The following OLFM3 variants were observed in gnomAD, a reference collection of about 807,000 sequenced individuals.
The protein encoded by OLFM3 is olfactomedin 3.
A neutral mutation model predicts 48.6 loss-of-function variants in OLFM3; 20 were observed. That is an observed-to-expected ratio of 0.41 (90% CI 0.29 to 0.60). OLFM3 has a LOEUF of 0.60. Ranked by LOEUF, OLFM3 falls within the 20% of genes least tolerant of loss-of-function variation. OLFM3 has a pLI of 0.28. For synonymous variants in OLFM3, 222 were observed against 198.1 expected (o/e 1.12, Z -1.01); for missense variants, 437 against 544.3 (o/e 0.80, Z 1.96).
chr1:101,861,536 T>A (rs1656657377), intron 1 of OLFM3, among the ~76,000 whole-genome samples: 1 of 152,224 alleles, frequency 6.6e-6, no homozygotes, highest in African/African-American at 2.4e-5. Context: ...CCTGAATAGT[T>A]GCTGATTGGC....
At chr1:101,972,126 TC>T (rs775544052) in intron 1 of OLFM3, among the ~76,000 whole-genome samples, 112 of 152,298 alleles carry the variant, frequency 7.4e-4, no homozygotes, top group Admixed American at 4.5e-3. Flanking sequence ...TTCTTTCAAG[TC>T]TTTGATGTTT....
At chr1:101,992,932 T>C (rs939481139) in intron 1 of OLFM3, among the ~76,000 whole-genome samples, 1 of 152,162 alleles carries the variant, frequency 6.6e-6, no homozygotes, top group Non-Finnish European at 1.5e-5. Context: ...TGAATCATTG[T>C]TATATTTTAT....
intron 1 of OLFM3, among the ~76,000 whole-genome samples, chr1:101,867,666 A>G (rs1405972049): frequency 6.6e-6 from 1 of 152,226 alleles, no homozygotes; most frequent in Non-Finnish European, 1.5e-5. Flanking sequence ...TTCTGCCTCT[A>G]CTACCCAACA....
At chr1:101,837,478 T>C (rs4908193) in intron 1 of OLFM3, among the ~76,000 whole-genome samples, 133,517 of 152,126 alleles carry the variant, frequency 0.88, 60,399 homozygotes, top group Non-Finnish European at 0.98. Flanking sequence ...TTCAAGGAGG[T>C]TTCCCATATA....
chr1:101,844,023 ACAGCAATAC>A (rs1166275528), intron 1 of OLFM3, among the ~76,000 whole-genome samples: 2 of 152,176 alleles, frequency 1.3e-5, no homozygotes, highest in Non-Finnish European at 2.9e-5. Flanking sequence ...TTACTACTTT[ACAGCAATAC>A]CTAGTGAGCC....
chr1:101,902,200 G>A (rs1658410359), intron 1 of OLFM3, among the ~76,000 whole-genome samples: 1 of 151,916 alleles, frequency 6.6e-6, no homozygotes, highest in Non-Finnish European at 1.5e-5. Flanking sequence ...AAGAAGGAGG[G>A]CATGGTTGGT....
intron 1 of OLFM3, among the ~76,000 whole-genome samples, chr1:101,864,195 C>A (rs1158802169): frequency 6.6e-6 from 1 of 151,938 alleles, no homozygotes; most frequent in African/African-American, 2.4e-5. Flanking sequence ...TGGTTCATAT[C>A]CTTTTTTTTT....
intron 1 of OLFM3, among the ~76,000 whole-genome samples, chr1:101,945,737 C>G (rs1659944779): frequency 1.3e-5 from 2 of 151,814 alleles, no homozygotes; most frequent in Admixed American, 6.6e-5. Flanking sequence ...TGCTTGAGAC[C>G]AAGAGTTTGA....
chr1:101,828,224 A>T (rs988891715), intron 3 of OLFM3, among the ~76,000 whole-genome samples: 1 of 152,154 alleles, frequency 6.6e-6, no homozygotes, highest in South Asian at 2.1e-4. Flanking sequence ...TCTTTATAGC[A>T]GTGTGAGAAT....
intron 1 of OLFM3, among the ~76,000 whole-genome samples, chr1:101,970,213 C>T (rs1294167555): frequency 6.6e-6 from 1 of 152,106 alleles, no homozygotes; most frequent in Non-Finnish European, 1.5e-5. Flanking sequence ...GTTGGGGTTT[C>T]ACCATGTTGG....
chr1:101,921,974 G>A (rs1033108874), intron 1 of OLFM3, among the ~76,000 whole-genome samples: 2 of 152,092 alleles, frequency 1.3e-5, no homozygotes, highest in African/African-American at 4.8e-5. Context: ...CAGAAGAATG[G>A]CTTGAACCCG....
chr1:101,983,969 C>T (rs917598738), intron 1 of OLFM3, among the ~76,000 whole-genome samples: 6 of 152,132 alleles, frequency 3.9e-5, no homozygotes, highest in African/African-American at 1.2e-4. Flanking sequence ...TATTGAATCA[C>T]GGGTAGCCTG....
chr1:101,889,056 A>T (rs1657885801), intron 1 of OLFM3, among the ~76,000 whole-genome samples: 1 of 152,146 alleles, frequency 6.6e-6, no homozygotes, highest in African/African-American at 2.4e-5. Flanking sequence ...TGTTGGTGGG[A>T]CTCTAAACTA....
chr1:101,961,372 A>T (rs1660463000), intron 1 of OLFM3, among the ~76,000 whole-genome samples: 1 of 152,056 alleles, frequency 6.6e-6, no homozygotes, highest in Non-Finnish European at 1.5e-5. Flanking sequence ...TGTATTTAGT[A>T]ATCTATCAAA....
At chr1:101,960,734 A>G (rs1660443138) in intron 1 of OLFM3, among the ~76,000 whole-genome samples, 1 of 152,128 alleles carries the variant, frequency 6.6e-6, no homozygotes, top group African/African-American at 2.4e-5. Flanking sequence ...ATCTTCAGTC[A>G]GGGTATCTCA....
At chr1:101,810,211 T>G (rs997947644) in intron 4 of OLFM3, among the ~76,000 whole-genome samples, 3 of 152,004 alleles carry the variant, frequency 2.0e-5, no homozygotes, top group African/African-American at 7.2e-5. Flanking sequence ...GAACTGTGAA[T>G]AGTCATGAAA....
intron 1 of OLFM3, among the ~76,000 whole-genome samples, chr1:101,845,348 C>T (rs1035929752): frequency 6.6e-6 from 1 of 151,758 alleles, no homozygotes; most frequent in African/African-American, 2.4e-5. Flanking sequence ...CTAAGAGAAT[C>T]ATGTATAATT....
intron 1 of OLFM3, among the ~76,000 whole-genome samples, chr1:101,934,188 C>A (rs990554810): frequency 6.6e-6 from 1 of 152,168 alleles, no homozygotes; most frequent in African/African-American, 2.4e-5. Context: ...TAAAAAGAAG[C>A]AAGACCCAAT....
chr1:101,805,954 T>C (rs1653751282), intron 5 of OLFM3, 122 bp downstream of exon 5: 1 of 589,634 alleles, frequency 1.7e-6, no homozygotes, highest in African/African-American at 1.9e-5. Context: ...AGAAAATATT[T>C]GCAAATTATG....
Sources: allele counts gnomAD v4.1 joint callset (sites outside exome capture counted in the v4.1 genomes callset), GRCh38; gene constraint gnomAD v4.1.1; transcripts MANE v1.5; gene names NCBI Gene and HGNC (gene_info 2026-07-23, HGNC 2026-07-21).